Variants in CDH4 observed in about 807,000 individuals in gnomAD.
CDH4 encodes the protein cadherin-4.
CDH4 carries 33 observed loss-of-function variants against 86.0 expected under a neutral mutation model. The observed-to-expected ratio is 0.38, with a 90% CI of 0.29 to 0.51. The LOEUF (loss-of-function observed/expected upper bound fraction) is 0.51, where lower values mean the gene tolerates loss of function less well. Among genes scored for constraint, CDH4 ranks in the 20% least tolerant of loss-of-function variants. CDH4 has a pLI of 0.86. For synonymous variants in CDH4, 555 were observed against 549.4 expected (o/e 1.01, Z -0.14); for missense variants, 1,114 against 1,307.4 (o/e 0.85, Z 2.28).
intron 4 of CDH4, among the ~76,000 whole-genome samples, chr20:61,843,319 G>A (rs375233154): frequency 8.6e-5 from 13 of 151,406 alleles, no homozygotes; most frequent in East Asian, 7.8e-4. Flanking sequence ...GCGCGGTGGC[G>A]GGCGCCTGTA....
intron 9 of CDH4, among the ~76,000 whole-genome samples, chr20:61,916,310 C>T (rs116335543): frequency 0.01 from 1,582 of 152,302 alleles, 33 homozygotes; most frequent in African/African-American, 0.036. Context: ...CCCACGCTAG[C>T]TCTTTGCTCA....
At chr20:61,628,074 G>A (rs2086847894) in intron 2 of CDH4, among the ~76,000 whole-genome samples, 1 of 152,126 alleles carries the variant, frequency 6.6e-6, no homozygotes, top group African/African-American at 2.4e-5. Context: ...GGGACGCGTG[G>A]ACACAACCCT....
chr20:61,826,393 C>T (rs144555723), intron 4 of CDH4, among the ~76,000 whole-genome samples: 177 of 152,370 alleles, frequency 1.2e-3, no homozygotes, highest in African/African-American at 4.1e-3. Context: ...TCAACACCCA[C>T]GTGGCTTGTC....
intron 2 of CDH4, among the ~76,000 whole-genome samples, chr20:61,524,323 G>A (rs1159950677): frequency 6.6e-6 from 1 of 152,146 alleles, no homozygotes; most frequent in Admixed American, 6.5e-5. Flanking sequence ...AGAAGACCTG[G>A]ACCTGCAGAA....
At position 61,367,434 on chromosome 20, in the gene CDH4, A is replaced by G. The variant is rs183777797; in HGVS notation, c.169+112497A>G. On this transcript the variant is annotated intron_variant, in intron 2 of 15. Transcript: ENST00000614565. ...ATGGAGAAAGTAAGAAAGTGCTCAA[A>G]TAGTGGTGGGAATGTGATAAAAGAA... Among the ~76,000 whole-genome samples the G allele has an allele frequency of 2.0e-5, 3 of 152,320 alleles. No individual in the cohort carries two copies. In the East Asian group the frequency reaches 5.8e-4, roughly 29 times the overall value.
chr20:61,340,684 A>C (rs1162630747), intron 2 of CDH4, among the ~76,000 whole-genome samples: 4 of 151,952 alleles, frequency 2.6e-5, no homozygotes, highest in Admixed American at 2.6e-4. Context: ...TTCTGGGCTC[A>C]AGCAATCCTC....
chr20:61,465,758 G>A (rs965016696), intron 2 of CDH4, among the ~76,000 whole-genome samples: 2 of 152,032 alleles, frequency 1.3e-5, no homozygotes, highest in African/African-American at 4.8e-5. Context: ...GCTTGCAAAG[G>A]TTGCTTTCAA....
chr20:61,618,208 G>A (rs559221631), intron 2 of CDH4, among the ~76,000 whole-genome samples: 9 of 152,180 alleles, frequency 5.9e-5, no homozygotes, highest in Non-Finnish European at 1.0e-4. Flanking sequence ...TGGGTGGCCC[G>A]GTTCTTGTTT....
chr20:61,477,952 C>CGAA (rs2085548544), intron 2 of CDH4, among the ~76,000 whole-genome samples: 1 of 152,150 alleles, frequency 6.6e-6, no homozygotes, highest in Non-Finnish European at 1.5e-5. Context: ...AGACATAGAG[C>CGAA]TTTTGTTGTG....
At chr20:61,500,923 ACT>A (rs1167422115) in intron 2 of CDH4, among the ~76,000 whole-genome samples, 3 of 152,048 alleles carry the variant, frequency 2.0e-5, no homozygotes, top group Non-Finnish European at 4.4e-5. Flanking sequence ...GGAAATGGAA[ACT>A]CTTCAAATTC....
chr20:61,823,290 A>G (rs1321401297), intron 4 of CDH4, among the ~76,000 whole-genome samples: 3 of 1,604 alleles, frequency 1.9e-3, no homozygotes, highest in African/African-American at 2.8e-3. Flanking sequence ...GTTGATGGTA[A>G]TGGTGATGAT....
rs73628177 is a variant in CDH4 at position 61,505,475 on chromosome 20, CA to C, written c.170-238085del. On this transcript the variant is annotated intron_variant, in intron 2 of 15. Coordinates refer to ENST00000614565, the MANE Select transcript of CDH4 (RefSeq NM_001794.5). ...TTTGCAGCCTGTGATCTTAAGGAGACAAATTAGCACTGCAGATGGAGGAGGC... is the reference window on the plus strand; with the variant it reads ...TTTGCAGCCTGTGATCTTAAGGAGACAATTAGCACTGCAGATGGAGGAGGC... 1.1e-4 allele frequency among the ~76,000 whole-genome samples: 17 copies of C among 152,274 alleles called. No individual in the cohort carries two copies. The East Asian group carries it at 3.3e-3, about 29-fold the overall frequency.
At chr20:61,559,091 G>A (rs2086197464) in intron 2 of CDH4, among the ~76,000 whole-genome samples, 1 of 152,206 alleles carries the variant, frequency 6.6e-6, no homozygotes, top group Non-Finnish European at 1.5e-5. Flanking sequence ...GGCTGAGGTG[G>A]GCGGAGCATG....
At chr20:61,594,512 C>T (rs1475085790) in intron 2 of CDH4, among the ~76,000 whole-genome samples, 2 of 152,198 alleles carry the variant, frequency 1.3e-5, no homozygotes, top group East Asian at 1.9e-4. Flanking sequence ...GTTTCCAAAA[C>T]GGCATGCTGT....
At chr20:61,631,133 T>C (rs2145787866) in intron 2 of CDH4, among the ~76,000 whole-genome samples, 1 of 152,286 alleles carries the variant, frequency 6.6e-6, no homozygotes, top group Non-Finnish European at 1.5e-5. Flanking sequence ...TCCAAGGTGT[T>C]CGAGCTGGGA....
intron 2 of CDH4, among the ~76,000 whole-genome samples, chr20:61,533,556 T>TGGAGGTA (rs533767108): frequency 5.8e-4 from 88 of 152,350 alleles, no homozygotes; most frequent in African/African-American, 2.1e-3. Context: ...CCGGGGCTGC[T>TGGAGGTA]GGAGGTAGGA....
At chr20:61,779,650 A>G (rs1978434031) in intron 4 of CDH4, among the ~76,000 whole-genome samples, 1 of 152,222 alleles carries the variant, frequency 6.6e-6, no homozygotes, top group African/African-American at 2.4e-5. Flanking sequence ...TCCAGCCACA[A>G]ATACTTACAC....
rs1458381726 is a variant in CDH4 at position 61,818,608 on chromosome 20, T to G, written c.577-26060T>G. Among the ~76,000 whole-genome samples, 3 of 150,910 alleles carry G rather than the reference T, an allele frequency of 2.0e-5. No homozygotes were observed. The South Asian group carries it at 6.3e-4, about 32-fold the overall frequency. ...CAGGAGGATTGCTTGAGTCCCAGAG[T>G]TCCAGGCTGCAGTGAGCTATGATTG... On this transcript the variant is annotated intron_variant, in intron 4 of 15. Coordinates refer to ENST00000614565, the MANE Select transcript of CDH4 (RefSeq NM_001794.5).
intron 2 of CDH4, among the ~76,000 whole-genome samples, chr20:61,571,863 C>A (rs1026418585): frequency 1.3e-5 from 2 of 148,332 alleles, no homozygotes; most frequent in Admixed American, 6.7e-5. Context: ...TGCAATATCA[C>A]CGAATCACAT....
Sources: allele counts gnomAD v4.1 joint callset (sites outside exome capture counted in the v4.1 genomes callset), GRCh38; gene constraint gnomAD v4.1.1; transcripts MANE v1.5; gene names NCBI Gene and HGNC (gene_info 2026-07-23, HGNC 2026-07-21).